The following RPSA2 variants were observed in gnomAD, a reference collection of about 807,000 sequenced individuals.
RPSA2 encodes the protein small ribosomal subunit protein uS2B.
the RPSA2 span, among the ~76,000 whole-genome samples, chr19:23,794,972 A>T: frequency 6.6e-6 from 1 of 152,160 alleles, no homozygotes; most frequent in Non-Finnish European, 1.5e-5. Context: ...TTTGTTGAAG[A>T]TCAGATGGTA....
chr19:23,793,944 C>T, the RPSA2 span, among the ~76,000 whole-genome samples: 26 of 151,970 alleles, frequency 1.7e-4, no homozygotes, highest in Non-Finnish European at 3.2e-4. Context: ...TTTTTCTTTT[C>T]GTATTTTTTT....
the RPSA2 span, among the ~76,000 whole-genome samples, chr19:23,804,765 T>G: frequency 4.6e-5 from 7 of 152,174 alleles, no homozygotes; most frequent in African/African-American, 1.7e-4. Context: ...CATTAAAGCT[T>G]GAGTAGCAAT....
the RPSA2 span, among the ~76,000 whole-genome samples, chr19:23,857,091 G>T: frequency 6.6e-6 from 1 of 152,070 alleles, no homozygotes; most frequent in Non-Finnish European, 1.5e-5. Context: ...TCCCAGAATG[G>T]CCGTTTATAG....
chr19:23,858,544 C>T, the RPSA2 span, among the ~76,000 whole-genome samples: 1 of 152,166 alleles, frequency 6.6e-6, no homozygotes, highest in Non-Finnish European at 1.5e-5. Context: ...GCAAGGAAGT[C>T]CTTGGTAAAG....
chr19:23,791,200 G>C, the RPSA2 span, among the ~76,000 whole-genome samples: 2 of 152,096 alleles, frequency 1.3e-5, no homozygotes, highest in African/African-American at 4.8e-5. Flanking sequence ...TTTAATTTAT[G>C]GTCTGTGGAA....
the RPSA2 span, chr19:23,833,201 T>G: frequency 3.4e-6 from 4 of 1,187,276 alleles, no homozygotes; most frequent in African/African-American, 3.2e-5. Flanking sequence ...CATAAGAAAA[T>G]TTATACTTGA....
chr19:23,867,077 G>T, the RPSA2 span, among the ~76,000 whole-genome samples: 1 of 152,088 alleles, frequency 6.6e-6, no homozygotes, highest in African/African-American at 2.4e-5. Context: ...AAAGGGTTTG[G>T]GAGCACAACT....
the RPSA2 span, chr19:23,762,859 AG>A: frequency 6.6e-6 from 1 of 152,170 alleles, no homozygotes; most frequent in African/African-American, 2.4e-5. Context: ...CCTACTGCCG[AG>A]CGGGGCGGGT....
the RPSA2 span, among the ~76,000 whole-genome samples, chr19:23,793,811 G>A: frequency 6.6e-6 from 1 of 152,080 alleles, no homozygotes; most frequent in Admixed American, 6.5e-5. Flanking sequence ...TGATCTGCCT[G>A]CCTCGGCCTC....
At chr19:23,796,770 G>A in the RPSA2 span, among the ~76,000 whole-genome samples, 2 of 151,664 alleles carry the variant, frequency 1.3e-5, no homozygotes, top group African/African-American at 4.8e-5. Context: ...ATATATTTTT[G>A]TGGGGTCAAT....
At chr19:23,866,398 A>G in the RPSA2 span, among the ~76,000 whole-genome samples, 1 of 152,202 alleles carries the variant, frequency 6.6e-6, no homozygotes, top group African/African-American at 2.4e-5. Context: ...CAAATCTAAA[A>G]GGAGCCAAGG....
At chr19:23,813,730 C>CTTT in the RPSA2 span, among the ~76,000 whole-genome samples, 7 of 136,776 alleles carry the variant, frequency 5.1e-5, 2 homozygotes, top group Non-Finnish European at 6.2e-5. Context: ...ACACGGGTTT[C>CTTT]TTTTTTTTTT....
the RPSA2 span, among the ~76,000 whole-genome samples, chr19:23,840,903 G>A: frequency 4.0e-5 from 6 of 149,456 alleles, no homozygotes; most frequent in African/African-American, 1.2e-4. Context: ...CAGAGGTTGC[G>A]GTGAGCCAAG....
chr19:23,860,095 T>G, the RPSA2 span, among the ~76,000 whole-genome samples: 48,806 of 152,076 alleles, frequency 0.32, 8,167 homozygotes, highest in Non-Finnish European at 0.38. Flanking sequence ...TTAAACTTTT[T>G]GAAAGGTTAC....
chr19:23,866,958 T>C, the RPSA2 span, among the ~76,000 whole-genome samples: 1 of 152,306 alleles, frequency 6.6e-6, no homozygotes. Flanking sequence ...TTCAAATAGT[T>C]TTAATGTCAA....
chr19:23,841,657 C>A, the RPSA2 span, among the ~76,000 whole-genome samples: 1 of 152,248 alleles, frequency 6.6e-6, no homozygotes, highest in African/African-American at 2.4e-5. Flanking sequence ...GAATTGTGGG[C>A]AGTTTTGAGA....
chr19:23,866,121 T>C, the RPSA2 span, among the ~76,000 whole-genome samples: 1 of 152,186 alleles, frequency 6.6e-6, no homozygotes, highest in East Asian at 1.9e-4. Context: ...AACACTCCCA[T>C]CAGAGAGGCC....
chr19:23,841,558 CCT>C, the RPSA2 span, among the ~76,000 whole-genome samples: 1 of 152,170 alleles, frequency 6.6e-6, no homozygotes, highest in Admixed American at 6.5e-5. Flanking sequence ...TGAAAGCTCC[CCT>C]GTCACGCCAA....
At chr19:23,820,784 T>C in the RPSA2 span, among the ~76,000 whole-genome samples, 1 of 152,250 alleles carries the variant, frequency 6.6e-6, no homozygotes, top group African/African-American at 2.4e-5. Flanking sequence ...GGGCTCTTGT[T>C]AGAGCTATCA....
Sources: allele counts gnomAD v4.1 joint callset (sites outside exome capture counted in the v4.1 genomes callset), GRCh38; gene constraint gnomAD v4.1.1; transcripts MANE v1.5; gene names NCBI Gene and HGNC (gene_info 2026-07-23, HGNC 2026-07-21).